The following SIK3 variants were observed in gnomAD, a reference collection of about 807,000 sequenced individuals.
SIK3 encodes the protein serine/threonine-protein kinase SIK3.
SIK3 carries 28 observed loss-of-function variants against 144.2 expected under a neutral mutation model. The observed-to-expected ratio is 0.19, with a 90% CI of 0.14 to 0.27. SIK3 has a LOEUF of 0.27. Ranked by LOEUF, SIK3 falls within the 10% of genes least tolerant of loss-of-function variation. SIK3 has a pLI of 1.00. For missense variants in SIK3, 1,319 were observed against 1,776.0 expected (o/e 0.74, Z 4.62); for synonymous variants, 686 against 676.3 (o/e 1.01, Z -0.22).
chr11:117,061,509 T>C (rs967354438), intron 1 of SIK3, among the ~76,000 whole-genome samples: 2 of 152,180 alleles, frequency 1.3e-5, no homozygotes, highest in African/African-American at 4.8e-5. Context: ...ATAATCATCA[T>C]GGAGTTTTAA....
chr11:117,004,501 G>A (rs1043054305), intron 1 of SIK3, among the ~76,000 whole-genome samples: 1 of 151,998 alleles, frequency 6.6e-6, no homozygotes, highest in Non-Finnish European at 1.5e-5. Flanking sequence ...GGGTGACAAA[G>A]TGAGACCCTG....
intron 1 of SIK3, among the ~76,000 whole-genome samples, chr11:117,096,778 T>C (rs1955493761): frequency 6.6e-6 from 1 of 151,946 alleles, no homozygotes; most frequent in African/African-American, 2.4e-5. Flanking sequence ...AGGTTGCAAG[T>C]GATCAGGAGA....
rs898511344 is a variant in SIK3, at chr11:116,876,993, G to A, written c.915C>T (p.Arg305=). 5.6e-5 allele frequency: 91 copies of A among 1,614,042 alleles called. No homozygotes were observed. Among genetic ancestry groups the A allele is most frequent in the Non-Finnish European group, 7.4e-5 (87 of 1,180,038 alleles). ...GCTTGCAGATCTGCTCCATGGAGAG[G>A]CGCTTATTGGGATCTAACACCAACA... ...RHMLVLDPNK[R]LSMEQICKHK... is the part of the protein sequence containing the mutation. The change falls in exon 7 of 25, where the codon CGC becomes CGT. Residue 305 remains arginine, a synonymous_variant. Transcript: ENST00000445177.
chr11:117,059,966 C>T (rs4938331), intron 1 of SIK3, among the ~76,000 whole-genome samples: 4 of 152,034 alleles, frequency 2.6e-5, no homozygotes, highest in African/African-American at 7.2e-5. Context: ...ACTAAACATT[C>T]TCTTACTATA....
intron 22 of SIK3, among the ~76,000 whole-genome samples, chr11:116,848,890 G>A (rs1942203943): frequency 6.6e-6 from 1 of 152,214 alleles, no homozygotes; most frequent in Non-Finnish European, 1.5e-5. Context: ...TTGAACTGGG[G>A]AGGTAGAAGT....
At chr11:116,902,530 G>C (rs528419777) in intron 4 of SIK3, among the ~76,000 whole-genome samples, 1 of 152,300 alleles carries the variant, frequency 6.6e-6, no homozygotes, top group Admixed American at 6.5e-5. Flanking sequence ...CAACTAGAGA[G>C]AGCCACATCT....
chr11:117,015,503 C>T (rs11216232), intron 1 of SIK3, among the ~76,000 whole-genome samples: 33 of 152,192 alleles, frequency 2.2e-4, no homozygotes, highest in African/African-American at 7.5e-4. Flanking sequence ...CCTCCACCTC[C>T]TGGGTTCAAG....
chr11:116,890,943 G>T (rs188342730), intron 6 of SIK3, among the ~76,000 whole-genome samples: 6 of 152,148 alleles, frequency 3.9e-5, no homozygotes, highest in Admixed American at 2.0e-4. Flanking sequence ...GATCAATTTA[G>T]TAAGTCGAAA....
At chr11:117,087,602 C>A (rs1392659708) in intron 1 of SIK3, among the ~76,000 whole-genome samples, 2 of 152,120 alleles carry the variant, frequency 1.3e-5, no homozygotes, top group Admixed American at 6.6e-5. Context: ...CCCTACACCC[C>A]CAAGCCAACA....
At chr11:116,976,803 T>C (rs939839263) in intron 1 of SIK3, among the ~76,000 whole-genome samples, 3 of 152,198 alleles carry the variant, frequency 2.0e-5, no homozygotes, top group Non-Finnish European at 2.9e-5. Flanking sequence ...TTTTAAAAAA[T>C]GTCAGTAGAC....
At chr11:116,902,702 A>T (rs1945803667) in intron 4 of SIK3, among the ~76,000 whole-genome samples, 1 of 152,214 alleles carries the variant, frequency 6.6e-6, no homozygotes. Context: ...TAGTCTCAGA[A>T]ACCTGTCGAG....
intron 1 of SIK3, among the ~76,000 whole-genome samples, chr11:117,083,851 G>A (rs1194506710): frequency 1.3e-5 from 2 of 152,174 alleles, no homozygotes; most frequent in Non-Finnish European, 2.9e-5. Flanking sequence ...TTGTTCCACA[G>A]AACACTACAC....
intron 1 of SIK3, among the ~76,000 whole-genome samples, chr11:117,007,871 G>A (rs1951108470): frequency 6.6e-6 from 1 of 151,980 alleles, no homozygotes; most frequent in Non-Finnish European, 1.5e-5. Context: ...ATCACCTGAG[G>A]TCAGGAGTTC....
At chr11:116,947,202 T>TATTTATATATAATATATTATATACAA (rs1948675734) in intron 3 of SIK3, among the ~76,000 whole-genome samples, 1 of 126,340 alleles carries the variant, frequency 7.9e-6, no homozygotes, top group African/African-American at 3.5e-5. Flanking sequence ...ATATACAAAT[T>TATTTATATATAATATATTATATACAA]ATTATTTATA....
chr11:116,891,304 G>A (rs111394009), intron 6 of SIK3, among the ~76,000 whole-genome samples: 1,623 of 152,228 alleles, frequency 0.011, 30 homozygotes, highest in African/African-American at 0.036. Context: ...GTGACAGAGC[G>A]AGACTCCGTC....
chr11:116,906,597 T>C (rs1393555360), intron 4 of SIK3, among the ~76,000 whole-genome samples: 2 of 152,140 alleles, frequency 1.3e-5, no homozygotes, highest in Non-Finnish European at 2.9e-5. Context: ...CAGGAAAATG[T>C]AACAAGGAAG....
At chr11:116,944,747 T>C (rs1476480146) in intron 3 of SIK3, among the ~76,000 whole-genome samples, 4 of 152,198 alleles carry the variant, frequency 2.6e-5, no homozygotes. Flanking sequence ...TGTGAATCCT[T>C]CTAGCTATTT....
At chr11:117,084,608 G>GT (rs1252202074) in intron 1 of SIK3, among the ~76,000 whole-genome samples, 1 of 151,970 alleles carries the variant, frequency 6.6e-6, no homozygotes. Context: ...ATAATTAACT[G>GT]TTTTTTTCCC....
At chr11:116,897,615 G>T (rs1394040247) in intron 4 of SIK3, among the ~76,000 whole-genome samples, 1 of 152,194 alleles carries the variant, frequency 6.6e-6, no homozygotes, top group African/African-American at 2.4e-5. Flanking sequence ...ATGGGCCTGG[G>T]GGCAGTGGCT....
Sources: allele counts gnomAD v4.1 joint callset (sites outside exome capture counted in the v4.1 genomes callset), GRCh38; gene constraint gnomAD v4.1.1; transcripts MANE v1.5; gene names NCBI Gene and HGNC (gene_info 2026-07-23, HGNC 2026-07-21).